Variants in FGF1 observed in about 807,000 individuals in gnomAD.
FGF1 encodes beta-endothelial cell growth factor.
In FGF1, 9 loss-of-function variants were observed where a neutral mutation model predicts 13.4. The ratio of observed to expected loss-of-function variants is 0.67; its 90% CI spans 0.40 to 1.17. The LOEUF is 1.17. FGF1 is among the 50% of genes most tolerant of loss of function. The pLI, the probability that FGF1 is intolerant of heterozygous loss-of-function variation, is 0.01. For missense variants in FGF1, 156 were observed against 192.7 expected (o/e 0.81, Z 1.13); for synonymous variants, 93 against 79.0 (o/e 1.18, Z -0.94).
At chr5:142,696,339 C>T (rs1292262878) in intron 2 of FGF1, among the ~76,000 whole-genome samples, 1 of 152,286 alleles carries the variant, frequency 6.6e-6, no homozygotes, top group South Asian at 2.1e-4. Context: ...CTGCATCTAG[C>T]CCCCTTTGTC....
rs1389319272 is a variant in FGF1, at chr5:142,595,465, CA to C, written c.292del (p.Cys98ValfsTer66). Reference sequence around the variant, plus strand: ...CTCCTCCAGCCTTTCCAGGAACAAACATTCCTCATTTGGTGTCTGCTAAAAA... The same window carrying C: ...CTCCTCCAGCCTTTCCAGGAACAAACTTCCTCATTTGGTGTCTGCTAAAAA... ...LYGSQTPNEE[C>X]LFLERLEENH... On this transcript the variant is annotated frameshift_variant, in exon 4 of 4. Coordinates refer to ENST00000337706, the MANE Select transcript of FGF1 (RefSeq NM_000800.5). LOFTEE classifies it high-confidence loss of function. The C allele has an allele frequency of 6.2e-7, 1 of 1,613,688 alleles. No individual in the cohort carries two copies. The highest frequency in any genetic ancestry group is 8.5e-7 in the Non-Finnish European group (1 of 1,179,786).
chr5:142,662,082 A>C (rs1353964770), intron 1 of FGF1, among the ~76,000 whole-genome samples: 1 of 152,228 alleles, frequency 6.6e-6, no homozygotes, highest in Non-Finnish European at 1.5e-5. Context: ...TGTCTGGAAT[A>C]AGCAAATATC....
At chr5:142,644,236 A>C (rs543594123) in intron 1 of FGF1, 3 of 152,368 alleles carry the variant, frequency 2.0e-5, no homozygotes, top group Admixed American at 2.0e-4. Context: ...TGCCTCACTG[A>C]GTTGGTGCTC....
intron 1 of FGF1, among the ~76,000 whole-genome samples, chr5:142,624,642 C>T (rs1296910049): frequency 6.6e-6 from 1 of 152,066 alleles, no homozygotes; most frequent in Non-Finnish European, 1.5e-5. Context: ...ATAAACTGTC[C>T]CCTGGTTTCT....
intron 1 of FGF1, among the ~76,000 whole-genome samples, chr5:142,616,429 T>A (rs2151882038): frequency 6.6e-6 from 1 of 152,314 alleles, no homozygotes; most frequent in Admixed American, 6.5e-5. Flanking sequence ...ATGGTGAAAC[T>A]TCGATTAATT....
At chr5:142,668,279 T>C (rs933876992) in intron 1 of FGF1, among the ~76,000 whole-genome samples, 2 of 152,230 alleles carry the variant, frequency 1.3e-5, no homozygotes, top group African/African-American at 4.8e-5. Flanking sequence ...CAACATACTG[T>C]CATCTAATCC....
intron 1 of FGF1, among the ~76,000 whole-genome samples, chr5:142,660,676 C>T (rs1769053851): frequency 6.6e-6 from 1 of 152,222 alleles, no homozygotes; most frequent in Non-Finnish European, 1.5e-5. Context: ...CCGTGTTCTC[C>T]TCAGCTCATC....
At chr5:142,691,146 C>T (rs917665838) in intron 2 of FGF1, among the ~76,000 whole-genome samples, 3 of 152,116 alleles carry the variant, frequency 2.0e-5, no homozygotes, top group Admixed American at 6.5e-5. Context: ...TTAGGCTGGG[C>T]GTGGTGGCTC....
In FGF1 at chr5:142,666,945, A is replaced by C. The variant is rs1770497998; in HGVS notation, c.-35+19012T>G. Among the ~76,000 whole-genome samples the C allele has an allele frequency of 1.3e-5, 2 of 151,934 alleles. 1 individual carries two copies. The highest frequency in any genetic ancestry group is 4.8e-5 in the African/African-American group (2 of 41,356). On this transcript the variant is annotated intron_variant, in intron 1 of 3. Transcript: ENST00000337706. ...AAAACAAAAACAAAAACAAAAACAA[A>C]AATGAAGAAAGAAAGAGACAGAAAA...
intron 2 of FGF1, 107 bp downstream of exon 2, chr5:142,613,852 T>C (rs1243163642): frequency 6.7e-6 from 8 of 1,195,760 alleles, no homozygotes; most frequent in East Asian, 5.1e-5. Flanking sequence ...CATGCCTGAA[T>C]AGAACCTTGG....
intron 1 of FGF1, among the ~76,000 whole-genome samples, chr5:142,657,460 A>T (rs1317764437): frequency 1.3e-5 from 2 of 151,992 alleles, no homozygotes. Context: ...TACCCCATCT[A>T]GCCCACCCCT....
At chr5:142,669,152 T>C (rs1409530604) in intron 1 of FGF1, among the ~76,000 whole-genome samples, 2 of 152,328 alleles carry the variant, frequency 1.3e-5, no homozygotes, top group Admixed American at 6.5e-5. Context: ...AATGATGCTG[T>C]TCCAAAGCAT....
intron 1 of FGF1, among the ~76,000 whole-genome samples, chr5:142,626,072 C>G (rs2151912468): frequency 6.6e-6 from 1 of 152,256 alleles, no homozygotes; most frequent in South Asian, 2.1e-4. Context: ...ATATAATGAC[C>G]CTTCTTGAAC....
intron 2 of FGF1, among the ~76,000 whole-genome samples, chr5:142,608,581 T>TATATAC (rs1758316391): frequency 1.6e-5 from 1 of 63,450 alleles, no homozygotes; most frequent in Non-Finnish European, 3.0e-5. Flanking sequence ...TATATATATA[T>TATATAC]ATACACACAC....
chr5:142,615,222 C>CT (rs796430077), intron 1 of FGF1, among the ~76,000 whole-genome samples: 348 of 146,674 alleles, frequency 2.4e-3, no homozygotes, highest in Admixed American at 4.2e-3. Context: ...GTGAACTGCA[C>CT]TTTTTTTTTT....
chr5:142,684,240 G>T (rs150466284), intron 1 of FGF1, among the ~76,000 whole-genome samples: 1 of 152,258 alleles, frequency 6.6e-6, no homozygotes, highest in East Asian at 1.9e-4. Context: ...TGTAGATACG[G>T]CATATGGATG....
At chr5:142,691,295 G>A (rs1006581761) in intron 2 of FGF1, among the ~76,000 whole-genome samples, 26 of 151,956 alleles carry the variant, frequency 1.7e-4, no homozygotes, top group East Asian at 1.4e-3. Flanking sequence ...GTTGGCTGGC[G>A]TCTGTAACCC....
chr5:142,639,601 G>C (rs1463205483), intron 1 of FGF1, among the ~76,000 whole-genome samples: 1 of 151,974 alleles, frequency 6.6e-6, no homozygotes, highest in Non-Finnish European at 1.5e-5. Flanking sequence ...TGGTTAAAGG[G>C]TACAAGGTTT....
chr5:142,613,649 A>C (rs1384600093), intron 2 of FGF1, among the ~76,000 whole-genome samples: 3 of 152,240 alleles, frequency 2.0e-5, no homozygotes, highest in Non-Finnish European at 4.4e-5. Flanking sequence ...TCGGGGCCAG[A>C]TCTTTCACTA....
Sources: allele counts gnomAD v4.1 joint callset (sites outside exome capture counted in the v4.1 genomes callset), GRCh38; gene constraint gnomAD v4.1.1; transcripts MANE v1.5; gene names NCBI Gene and HGNC (gene_info 2026-07-23, HGNC 2026-07-21).